The following EPHB1 variants were observed in gnomAD, a reference collection of about 807,000 sequenced individuals.
EPHB1 encodes ephrin type-B receptor 1.
In EPHB1, 30 loss-of-function variants were observed where a neutral mutation model predicts 94.4. The ratio of observed to expected loss-of-function variants is 0.32; its 90% confidence interval spans 0.24 to 0.43. The LOEUF (loss-of-function observed/expected upper bound fraction) is 0.43. Among genes scored for constraint, EPHB1 ranks in the 20% least tolerant of loss-of-function variants. EPHB1 has a pLI of 1.00. For missense variants in EPHB1, 1,055 were observed against 1,308.3 expected (o/e 0.81, Z 2.99); for synonymous variants, 522 against 489.1 (o/e 1.07, Z -0.89).
rs2107715987 is a variant in EPHB1, at chr3:134,951,885, C to T, written c.638C>T (p.Ala213Val). The T allele has an allele frequency of 5.6e-6, 9 of 1,614,006 alleles. No homozygotes were observed. Among genetic ancestry groups the T allele is most frequent in the Non-Finnish European group, 6.8e-6 (8 of 1,179,902 alleles). The change falls in exon 3 of 16, where the codon GCA (alanine) becomes GTA (valine). Residue 213 changes from alanine (A) to valine (V), a missense_variant. Ala to Val is a moderately conservative substitution (Grantham distance 64). Coordinates refer to ENST00000398015, the MANE Select transcript of EPHB1 (RefSeq NM_004441.5). The surrounding 1 kb of genome is among the most constrained non-coding windows in gnomAD (Gnocchi z 4.5). The stretch of plus-strand genomic sequence containing the variant: ...GTGTTTCCAGAGACTATGACAGGGG[C>T]AGAGAGCACATCTCTGGTGATTGCT... ...FAVFPETMTG[A>V]ESTSLVIARG...
chr3:134,973,697 G>T (rs1934074054), intron 3 of EPHB1, among the ~76,000 whole-genome samples: 1 of 152,146 alleles, frequency 6.6e-6, no homozygotes, highest in African/African-American at 2.4e-5. Flanking sequence ...CTCCCAAAGT[G>T]CTAGGATTAC....
intron 5 of EPHB1, among the ~76,000 whole-genome samples, chr3:135,143,453 C>T (rs1015258866): frequency 6.6e-6 from 1 of 152,116 alleles, no homozygotes; most frequent in Non-Finnish European, 1.5e-5. Flanking sequence ...GGTGGTGGGT[C>T]CTCCAGCTGC....
intron 12 of EPHB1, among the ~76,000 whole-genome samples, chr3:135,236,072 C>T (rs1035136704): frequency 5.3e-5 from 8 of 152,096 alleles, no homozygotes; most frequent in African/African-American, 1.9e-4. Context: ...GCTTCTATAA[C>T]AAAGTATCAC....
At chr3:135,197,822 T>C (rs1050937606) in intron 11 of EPHB1, among the ~76,000 whole-genome samples, 1 of 152,210 alleles carries the variant, frequency 6.6e-6, no homozygotes, top group Admixed American at 6.5e-5. Context: ...AGTTAGTTTT[T>C]TTTTTTCTTA....
At chr3:135,117,375 A>T (rs1186483904) in intron 4 of EPHB1, among the ~76,000 whole-genome samples, 1 of 152,208 alleles carries the variant, frequency 6.6e-6, no homozygotes, top group Non-Finnish European at 1.5e-5. Flanking sequence ...TCTGAGCCAG[A>T]CACCTGAGAA....
intron 3 of EPHB1, among the ~76,000 whole-genome samples, chr3:134,966,258 C>T (rs2107724501): frequency 6.6e-6 from 1 of 152,288 alleles, no homozygotes; most frequent in Middle Eastern, 3.4e-3. Context: ...GAGAGGCCAG[C>T]CCCCGTGCAA....
intron 4 of EPHB1, among the ~76,000 whole-genome samples, chr3:135,113,098 G>A (rs1338969495): frequency 6.6e-6 from 1 of 152,200 alleles, no homozygotes; most frequent in Admixed American, 6.5e-5. Flanking sequence ...GTGAACTTCA[G>A]ACAAAGGTCA....
chr3:134,858,414 C>T (rs1252476736), intron 1 of EPHB1, among the ~76,000 whole-genome samples: 1 of 152,120 alleles, frequency 6.6e-6, no homozygotes, highest in Non-Finnish European at 1.5e-5. Context: ...GAGAATGTAT[C>T]TGATGTCCAG....
chr3:135,030,634 A>C (rs1936409602), intron 3 of EPHB1, among the ~76,000 whole-genome samples: 2 of 152,238 alleles, frequency 1.3e-5, no homozygotes, highest in African/African-American at 4.8e-5. Context: ...CGAAGCTGTC[A>C]GACAGGGACA....
intron 1 of EPHB1, among the ~76,000 whole-genome samples, chr3:134,870,932 C>T (rs1243650282): frequency 6.6e-6 from 1 of 152,076 alleles, no homozygotes; most frequent in Non-Finnish European, 1.5e-5. Flanking sequence ...CCAAAGCTTC[C>T]TCTTGTCTTT....
chr3:134,987,133 A>G (rs1020588317), intron 3 of EPHB1, among the ~76,000 whole-genome samples: 7 of 152,160 alleles, frequency 4.6e-5, no homozygotes, highest in African/African-American at 1.4e-4. Flanking sequence ...TGCCTAAATA[A>G]TAGTAATAAC....
chr3:135,013,644 C>T (rs73864227), intron 3 of EPHB1, among the ~76,000 whole-genome samples: 5,408 of 152,292 alleles, frequency 0.036, 308 homozygotes, highest in African/African-American at 0.12. Context: ...CCACCCAGCC[C>T]GCCCAGCTTG....
At chr3:135,093,604 C>A (rs2107792640) in intron 3 of EPHB1, among the ~76,000 whole-genome samples, 1 of 151,980 alleles carries the variant, frequency 6.6e-6, no homozygotes. Context: ...TGCCTGTAGT[C>A]CCAGGTATTC....
chr3:135,179,785 C>T (rs1212886083), intron 9 of EPHB1, 75 bp from the exon 10 acceptor site: 6 of 1,576,762 alleles, frequency 3.8e-6, no homozygotes, highest in Non-Finnish European at 5.2e-6. Flanking sequence ...GCCCTTAGTG[C>T]TGGGGACATC....
chr3:134,916,753 C>G (rs2038580970), intron 1 of EPHB1, among the ~76,000 whole-genome samples: 1 of 126,212 alleles, frequency 7.9e-6, no homozygotes, highest in Non-Finnish European at 1.6e-5. Context: ...CTCCACACCT[C>G]CCGGCAAGCC....
Position 134,821,782 on chromosome 3 carries a change from G to A in EPHB1, c.58+26093G>A, listed in dbSNP as rs576662537. 4.5e-4 allele frequency among the ~76,000 whole-genome samples: 68 copies of A among 152,272 alleles called. 1 individual carries two copies. Among genetic ancestry groups the A allele is most frequent in the South Asian group, 1.5e-3 (7 of 4,826 alleles). ...ACAAACAGAAACGTGTTTGGGAATGGTGACACTGGGAGGCTGGGGGAGCCT... is the reference window on the plus strand; with the variant it reads ...ACAAACAGAAACGTGTTTGGGAATGATGACACTGGGAGGCTGGGGGAGCCT... On this transcript the variant is annotated intron_variant, in intron 1 of 15. Coordinates refer to ENST00000398015, the MANE Select transcript of EPHB1 (RefSeq NM_004441.5).
In EPHB1 at chr3:135,164,200, A is replaced by G. The variant is rs145725215; in HGVS notation, c.1586-1768A>G. 4.9e-3 allele frequency among the ~76,000 whole-genome samples: 747 copies of G among 152,338 alleles called. 8 individuals carry two copies. Among genetic ancestry groups the G allele is most frequent in the African/African-American group, 0.017 (714 of 41,572 alleles). ...TATGTTTTAAATACATATATTACAG[A>G]AAGTCTCAGCTGAGGGCAACTGAAA... is the stretch of plus-strand genomic sequence containing the variant. On this transcript the variant is annotated intron_variant, in intron 7 of 15. Coordinates refer to ENST00000398015, the MANE Select transcript of EPHB1 (RefSeq NM_004441.5).
intron 1 of EPHB1, among the ~76,000 whole-genome samples, chr3:134,857,472 G>A (rs551166520): frequency 1.3e-5 from 2 of 152,240 alleles, no homozygotes; most frequent in African/African-American, 4.8e-5. Context: ...GGCTGCGGGT[G>A]TCAGCCCTGG....
intron 6 of EPHB1, among the ~76,000 whole-genome samples, chr3:135,159,935 A>G (rs1204881607): frequency 2.0e-5 from 3 of 152,138 alleles, no homozygotes; most frequent in African/African-American, 4.8e-5. Context: ...CACTCTCCAC[A>G]TTCATCCATG....
Sources: allele counts gnomAD v4.1 joint callset (sites outside exome capture counted in the v4.1 genomes callset), GRCh38; gene constraint gnomAD v4.1.1; non-coding constraint Gnocchi (gnomAD v3.1); transcripts MANE v1.5; gene names NCBI Gene and HGNC (gene_info 2026-07-23, HGNC 2026-07-21).